VPS13B: variants seen among roughly 807,000 people sequenced by gnomAD.
VPS13B encodes the protein vacuolar protein sorting 13 homolog B.
In VPS13B, 285 loss-of-function variants were observed where a neutral mutation model predicts 426.4. The ratio of observed to expected loss-of-function variants is 0.67; its 90% CI spans 0.61 to 0.74. VPS13B has a LOEUF of 0.74. Among genes scored for constraint, VPS13B ranks in the 30% least tolerant of loss-of-function variants. VPS13B has a pLI of 0.00. For missense variants in VPS13B, 4,537 were observed against 4,782.6 expected (o/e 0.95, Z 1.51); for synonymous variants, 1,676 against 1,676.4 (o/e 1.00, Z 0.01).
intron 19 of VPS13B, among the ~76,000 whole-genome samples, chr8:99,373,997 A>T (rs1036212255): frequency 6.6e-6 from 1 of 152,180 alleles, no homozygotes; most frequent in Admixed American, 6.5e-5. Context: ...TCTGAAGACA[A>T]ATTCTATCAT....
rs1440452205 is a variant in VPS13B, at chr8:99,443,661, A to C, written c.3445+1026A>C. 2.0e-5 allele frequency among the ~76,000 whole-genome samples: 3 copies of C among 152,206 alleles called. No homozygotes were observed. The South Asian group carries it at 6.2e-4, about 32-fold the overall frequency. On this transcript the variant is annotated intron_variant, in intron 23 of 61. Coordinates refer to ENST00000357162, the MANE Select transcript of VPS13B (RefSeq NM_152564.5). ...TGTTGTAGCAGTCTTTGTTGTTTTTATGGCTGAATAGTATTCCATCTTATG... is the reference window on the plus strand; with the variant it reads ...TGTTGTAGCAGTCTTTGTTGTTTTTCTGGCTGAATAGTATTCCATCTTATG...
At chr8:99,539,537 G>C (rs750737858) in intron 30 of VPS13B, among the ~76,000 whole-genome samples, 17 of 152,112 alleles carry the variant, frequency 1.1e-4, no homozygotes, top group Non-Finnish European at 2.1e-4. Flanking sequence ...TTTGAGGCCA[G>C]GGGTTTGATA....
chr8:99,572,842 G>A lies in VPS13B; in HGVS notation c.4950-2816G>A, dbSNP rs1378693836. Among the ~76,000 whole-genome samples the A allele has an allele frequency of 3.9e-5, 6 of 152,118 alleles. No individual in the cohort carries two copies. In the East Asian group the frequency reaches 1.2e-3, roughly 29 times the overall value. The stretch of plus-strand genomic sequence containing the variant: ...CAGTAATGGGATGGCTGGGTCAAAT[G>A]GTATTTCTAGTTCTAGATCCTTGAG... On this transcript the variant is annotated intron_variant, in intron 31 of 61. Coordinates refer to ENST00000357162, the MANE Select transcript of VPS13B (RefSeq NM_152564.5).
At chr8:99,560,488 C>T (rs892385933) in intron 31 of VPS13B, among the ~76,000 whole-genome samples, 3 of 152,100 alleles carry the variant, frequency 2.0e-5, no homozygotes, top group Non-Finnish European at 4.4e-5. Context: ...CAGAGATCAT[C>T]GCCATCATGT....
At chr8:99,052,896 A>T (rs1360000908) in intron 3 of VPS13B, among the ~76,000 whole-genome samples, 1 of 151,870 alleles carries the variant, frequency 6.6e-6, no homozygotes, top group Non-Finnish European at 1.5e-5. Context: ...ATCATATTTT[A>T]TTGCGTCTAT....
rs764975237 is a variant in VPS13B at position 99,147,808 on chromosome 8, T to A, written c.1844-33T>A. On this transcript the variant is annotated intron_variant, in intron 13 of 61. Transcript: ENST00000357162. ...TGTTTAAGAATATTATTTAAAAATA[T>A]TCTTTATTAATTTTTTATCATTTTA... The A allele has an allele frequency of 6.8e-6, 9 of 1,324,324 alleles. No individual in the cohort carries two copies. The Admixed American group carries it at 2.1e-4, about 30-fold the overall frequency. 82.0% of individuals were successfully genotyped at this position (1,324,324 alleles called of 1,614,324 possible).
chr8:99,593,152 G>A (rs1244102371), intron 33 of VPS13B, among the ~76,000 whole-genome samples: 1 of 151,954 alleles, frequency 6.6e-6, no homozygotes, highest in East Asian at 1.9e-4. Context: ...GAAAAATTTT[G>A]CAAACTAACC....
intron 17 of VPS13B, among the ~76,000 whole-genome samples, chr8:99,234,708 CATT>C (rs1378892146): frequency 2.0e-5 from 3 of 152,160 alleles, no homozygotes; most frequent in Non-Finnish European, 4.4e-5. Context: ...ATGGAGGTTG[CATT>C]ATATCCTCAT....
chr8:99,212,493 A>G (rs1457339685), intron 17 of VPS13B, among the ~76,000 whole-genome samples: 1 of 152,202 alleles, frequency 6.6e-6, no homozygotes, highest in Non-Finnish European at 1.5e-5. Flanking sequence ...TTATCATTAC[A>G]TTACATTATA....
At chr8:99,112,080 C>T (rs2132484770) in intron 6 of VPS13B, among the ~76,000 whole-genome samples, 1 of 152,224 alleles carries the variant, frequency 6.6e-6, no homozygotes, top group East Asian at 1.9e-4. Context: ...AATTTTCTGT[C>T]CAATGTAGTG....
chr8:99,844,144 G>A (rs1815855424), intron 54 of VPS13B, among the ~76,000 whole-genome samples: 2 of 152,122 alleles, frequency 1.3e-5, no homozygotes, highest in Admixed American at 1.3e-4. Context: ...CTTGCTATTT[G>A]AGGCTTTATC....
chr8:99,828,409 T>TGC (rs1563495301), intron 51 of VPS13B, among the ~76,000 whole-genome samples: 9,232 of 75,628 alleles, frequency 0.12, 1,841 homozygotes, highest in Admixed American at 0.24. Context: ...TTTTTTTTTT[T>TGC]TTTTTTTTTT....
intron 28 of VPS13B, among the ~76,000 whole-genome samples, chr8:99,508,996 A>G (rs1414287540): frequency 1.3e-5 from 2 of 152,140 alleles, no homozygotes; most frequent in African/African-American, 4.8e-5. Flanking sequence ...TAAAACATTT[A>G]TACATTGAAA....
chr8:99,855,419 A>G (rs139016515), intron 56 of VPS13B, among the ~76,000 whole-genome samples: 4 of 152,230 alleles, frequency 2.6e-5, no homozygotes, highest in Middle Eastern at 3.4e-3. Flanking sequence ...ATGTGGTCTC[A>G]GGGTACGTTA....
Position 99,102,886 on chromosome 8 carries a change from C to A in VPS13B, c.413-67C>A, listed in dbSNP as rs1329680356. 9 of 1,405,472 alleles carry A rather than the reference C, an allele frequency of 6.4e-6. No individual in the cohort carries two copies. In the African/African-American group the frequency reaches 8.5e-5, roughly 13 times the overall value. 87.1% of individuals were successfully genotyped at this position (1,405,472 alleles called of 1,614,324 possible). On this transcript the variant is annotated intron_variant, in intron 4 of 61. Transcript: ENST00000357162. Reference sequence around the variant, plus strand: ...CTTTCTCATACATTAAGTTCAATAACACTTTAAGAAATAATTATTTACTGA... The same window carrying A: ...CTTTCTCATACATTAAGTTCAATAAAACTTTAAGAAATAATTATTTACTGA...
At chr8:99,029,371 G>C (rs1842382313) in intron 2 of VPS13B, among the ~76,000 whole-genome samples, 1 of 151,990 alleles carries the variant, frequency 6.6e-6, no homozygotes. Flanking sequence ...TTCCCAGACG[G>C]GGTGGCGGCC....
At chr8:99,098,046 C>T (rs1846521767) in intron 4 of VPS13B, among the ~76,000 whole-genome samples, 1 of 152,186 alleles carries the variant, frequency 6.6e-6, no homozygotes, top group South Asian at 2.1e-4. Context: ...TATCATGTAT[C>T]TTTCTCTCTG....
chr8:99,460,235 C>G (rs1396811064), intron 23 of VPS13B, among the ~76,000 whole-genome samples: 1 of 151,910 alleles, frequency 6.6e-6, no homozygotes, highest in Non-Finnish European at 1.5e-5. Context: ...TTAATTTTCT[C>G]TATTCATTTT....
chr8:99,103,523 G>T (rs1846877964), intron 5 of VPS13B, among the ~76,000 whole-genome samples: 1 of 135,834 alleles, frequency 7.4e-6, no homozygotes. Flanking sequence ...TTTTGAGATG[G>T]AGTCTTGCTC....
Sources: gnomAD v4.1 joint callset for allele counts (sites outside exome capture counted in the v4.1 genomes callset) on GRCh38, gnomAD v4.1.1 for gene constraint, MANE v1.5 for transcripts, NCBI Gene and HGNC (gene_info 2026-07-23, HGNC 2026-07-21) for gene names.